DPY19L3: variants seen among roughly 807,000 people sequenced by gnomAD.
DPY19L3 encodes dpy-19 like C-mannosyltransferase 3.
DPY19L3 carries 51 observed loss-of-function variants against 92.3 expected under a neutral mutation model. The ratio of observed to expected loss-of-function variants is 0.55; its 90% CI spans 0.44 to 0.70. The LOEUF (loss-of-function observed/expected upper bound fraction) is 0.70. Ranked by LOEUF, DPY19L3 falls within the 30% of genes least tolerant of loss-of-function variation. DPY19L3 has a pLI of 0.00. For synonymous variants in DPY19L3, 309 were observed against 315.2 expected (o/e 0.98, Z 0.21); for missense variants, 706 against 855.9 (o/e 0.82, Z 2.18).
chr19:32,453,287 T>C lies in DPY19L3; in HGVS notation c.987+11T>C, dbSNP rs1246046093. The C allele has an allele frequency of 6.3e-7, 1 of 1,592,244 alleles. No homozygotes were observed. The highest frequency in any genetic ancestry group is 1.2e-5 in the South Asian group (1 of 86,512). ...GCAAGAAAACTTCAGGTAGGACTTT[T>C]TTTTTGTCCTTTATCAAAGTAAACT... On this transcript the variant is annotated intron_variant, in intron 9 of 18. Transcript: ENST00000392250.
At chr19:32,476,384 A>G (rs184565102) in intron 16 of DPY19L3, among the ~76,000 whole-genome samples, 1 of 152,180 alleles carries the variant, frequency 6.6e-6, no homozygotes, top group Admixed American at 6.5e-5. Flanking sequence ...ACTCCTCTCA[A>G]TGCAAGAAGG....
intron 4 of DPY19L3, among the ~76,000 whole-genome samples, chr19:32,434,910 C>T (rs1415999384): frequency 2.6e-5 from 4 of 152,120 alleles, no homozygotes; most frequent in Non-Finnish European, 4.4e-5. Flanking sequence ...CATGAGGGCC[C>T]ATAACTGTCC....
intron 15 of DPY19L3, chr19:32,467,817 T>C: frequency 1.0e-6 from 1 of 978,144 alleles, no homozygotes; most frequent in Non-Finnish European, 1.2e-6. Flanking sequence ...AATTAAGATT[T>C]AGTTAATTGT....
chr19:32,459,600 G>A (rs1969974851), intron 12 of DPY19L3, among the ~76,000 whole-genome samples: 1 of 152,224 alleles, frequency 6.6e-6, no homozygotes, highest in African/African-American at 2.4e-5. Context: ...TCTGGACAGT[G>A]TGATTTAATA....
chr19:32,472,606 A>T (rs1970391920), intron 16 of DPY19L3, among the ~76,000 whole-genome samples: 1 of 151,318 alleles, frequency 6.6e-6, no homozygotes. Context: ...TTTTCTGTGC[A>T]ATTAGAAAGC....
rs561728378 is a variant in DPY19L3 at position 32,480,543 on chromosome 19, A to G, written c.1975A>G (p.Ile659Val). ...RGCRLRDLLD[I>V]ANGHMMDGPG... ...CTGCCGACTCCGGGACCTGCTGGAC[A>G]TTGCCAACGGCCACGTGAGCATGCT... is the stretch of plus-strand genomic sequence containing the variant. Residue 659 changes from isoleucine (I) to valine (V), a missense_variant, in exon 18 of 19, where the codon ATT (isoleucine) becomes GTT (valine). By Grantham distance (29) the Ile-to-Val change is conservative. Coordinates refer to ENST00000392250, the MANE Select transcript of DPY19L3 (RefSeq NM_001172774.2). 5.5e-5 allele frequency: 89 copies of G among 1,613,002 alleles called. No individual in the cohort carries two copies. The South Asian group carries it at 9.2e-4, about 17-fold the overall frequency.
intron 16 of DPY19L3, among the ~76,000 whole-genome samples, chr19:32,471,866 T>C (rs1970368138): frequency 6.6e-6 from 1 of 152,218 alleles, no homozygotes; most frequent in South Asian, 2.1e-4. Flanking sequence ...GGGATTGGAT[T>C]CCTGTGAAGA....
At position 32,477,612 on chromosome 19, in the gene DPY19L3, C is replaced by A. The variant is rs763629699; in HGVS notation, c.1788C>A (p.His596Gln). The change falls in exon 17 of 19, where the codon CAC becomes CAA. Residue 596 changes from histidine (H) to glutamine (Q), a missense_variant. Coordinates refer to ENST00000392250, the MANE Select transcript of DPY19L3 (RefSeq NM_001172774.2). ...GCACGGGAAGGACCCTAACCAACCA[C>A]CCGCACTATGAAGACAGCAGCCTGA... The part of the protein sequence containing the change: ...KLCTGRTLTN[H>Q]PHYEDSSLRE... The A allele has an allele frequency of 6.2e-7, 1 of 1,614,138 alleles. No homozygotes were observed.
chr19:32,421,627 CAAAA>C (rs869206912), intron 3 of DPY19L3, among the ~76,000 whole-genome samples: 66 of 58,808 alleles, frequency 1.1e-3, no homozygotes, highest in African/African-American at 2.7e-3. Context: ...GACTTCATCT[CAAAA>C]AAAAAAAAAA....
intron 2 of DPY19L3, 76 bp from the exon 3 acceptor site, chr19:32,411,163 G>T: frequency 6.8e-7 from 1 of 1,466,674 alleles, no homozygotes; most frequent in South Asian, 1.3e-5. Flanking sequence ...TAGCTTACTT[G>T]ATAATCTGAA....
intron 3 of DPY19L3, among the ~76,000 whole-genome samples, chr19:32,417,467 C>T (rs998223846): frequency 2.6e-5 from 4 of 152,320 alleles, no homozygotes; most frequent in Admixed American, 6.5e-5. Context: ...TTAACAGGTG[C>T]GTGCCACCAC....
intron 8 of DPY19L3, among the ~76,000 whole-genome samples, chr19:32,451,371 C>CT (rs1384454818): frequency 6.6e-6 from 1 of 152,056 alleles, no homozygotes; most frequent in African/African-American, 2.4e-5. Flanking sequence ...ATTGCTATTT[C>CT]TTTTTTGTGT....
chr19:32,461,350 C>T (rs1406959185), intron 12 of DPY19L3, among the ~76,000 whole-genome samples: 1 of 152,234 alleles, frequency 6.6e-6, no homozygotes, highest in African/African-American at 2.4e-5. Context: ...CTGAAAGGGG[C>T]ATGGTGTTCT....
At chr19:32,409,122 A>G (rs1968087225) in intron 2 of DPY19L3, among the ~76,000 whole-genome samples, 1 of 152,246 alleles carries the variant, frequency 6.6e-6, no homozygotes, top group Admixed American at 6.5e-5. Context: ...TGGCTCAGCC[A>G]TTAGCGAGTG....
intron 17 of DPY19L3, among the ~76,000 whole-genome samples, chr19:32,479,440 C>T (rs1281957774): frequency 6.6e-6 from 1 of 152,076 alleles, no homozygotes; most frequent in Non-Finnish European, 1.5e-5. Context: ...TCCTCAAGGC[C>T]CTACGGCTCT....
chr19:32,469,530 T>C (rs532591031), intron 16 of DPY19L3, among the ~76,000 whole-genome samples: 2 of 151,762 alleles, frequency 1.3e-5, no homozygotes, highest in Non-Finnish European at 2.9e-5. Context: ...AGAAAAAATA[T>C]TCTTTCCTTG....
At chr19:32,466,519 C>T (rs1207192555) in intron 15 of DPY19L3, among the ~76,000 whole-genome samples, 2 of 152,210 alleles carry the variant, frequency 1.3e-5, no homozygotes, top group Non-Finnish European at 2.9e-5. Context: ...TCTGCCCGCT[C>T]ATTGAAGCAC....
intron 2 of DPY19L3, among the ~76,000 whole-genome samples, chr19:32,409,522 T>G (rs180691962): frequency 4.7e-4 from 72 of 152,364 alleles, no homozygotes; most frequent in Middle Eastern, 3.4e-3. Context: ...TTGGGGCATG[T>G]CTTAGTCCAT....
At chr19:32,467,633 CT>C in intron 15 of DPY19L3, 1 of 987,524 alleles carries the variant, frequency 1.0e-6, no homozygotes, top group Non-Finnish European at 1.2e-6. Flanking sequence ...TCAGGTGCTG[CT>C]TTGATTCTAC....
Sources: allele counts gnomAD v4.1 joint callset (sites outside exome capture counted in the v4.1 genomes callset), GRCh38; gene constraint gnomAD v4.1.1; transcripts MANE v1.5; gene names NCBI Gene and HGNC (gene_info 2026-07-23, HGNC 2026-07-21).